PPEF1: variants seen among roughly 807,000 people sequenced by gnomAD.
The protein encoded by PPEF1 is serine/threonine-protein phosphatase with EF-hands 1.
Under a neutral mutation model 53.3 loss-of-function variants are expected in PPEF1, and 12 were observed. The ratio of observed to expected loss-of-function variants is 0.23; its 90% CI spans 0.14 to 0.36. The LOEUF (loss-of-function observed/expected upper bound fraction) is 0.36. Among genes scored for constraint, PPEF1 ranks in the 10% least tolerant of loss-of-function variants. The pLI is 1.00. For missense variants in PPEF1, 334 were observed against 490.4 expected (o/e 0.68, Z 3.01); for synonymous variants, 165 against 176.7 (o/e 0.93, Z 0.52).
intron 14 of PPEF1, among the ~76,000 whole-genome samples, chrX:18,824,418 T>C (rs1392900921): frequency 9.1e-6 from 1 of 109,324 alleles, no homozygotes; most frequent in Non-Finnish European, 1.9e-5. Flanking sequence ...CCAGCCTGGG[T>C]GACAGAGCGA....
chrX:18,750,774 T>C (rs2045426012), intron 4 of PPEF1, among the ~76,000 whole-genome samples: 1 of 112,126 alleles, frequency 8.9e-6, no homozygotes, highest in Non-Finnish European at 1.9e-5. Flanking sequence ...AGTGGCACCA[T>C]TTTGCATTTC....
At chrX:18,817,560 T>G (rs1241493824) in intron 12 of PPEF1, among the ~76,000 whole-genome samples, 1 of 111,045 alleles carries the variant, frequency 9.0e-6, no homozygotes, top group Non-Finnish European at 1.9e-5. Context: ...CAGGATGGTT[T>G]CGATCTCTTG....
At chrX:18,687,909 G>T (rs774317775) in intron 3 of PPEF1, among the ~76,000 whole-genome samples, 1 of 110,353 alleles carries the variant, frequency 9.1e-6, no homozygotes, top group Non-Finnish European at 1.9e-5. Flanking sequence ...GGCTGGTCTC[G>T]AACTTCAGAC....
intron 2 of PPEF1, among the ~76,000 whole-genome samples, chrX:18,732,717 G>A (rs1023281416): frequency 2.7e-5 from 3 of 111,809 alleles, no homozygotes; most frequent in Admixed American, 9.5e-5. Flanking sequence ...TACTTTTCAT[G>A]AGAGGCAGGG....
chrX:18,741,036 G>A (rs984370312), intron 3 of PPEF1, among the ~76,000 whole-genome samples: 8 of 109,003 alleles, frequency 7.3e-5, no homozygotes, highest in African/African-American at 2.0e-4. Flanking sequence ...GTTTTAATGG[G>A]CATGATTTAA....
At chrX:18,771,218 C>T (rs1284577926) in intron 6 of PPEF1, among the ~76,000 whole-genome samples, 1 of 111,103 alleles carries the variant, frequency 9.0e-6, no homozygotes, top group Non-Finnish European at 1.9e-5. Context: ...CCCAAATTAT[C>T]CTTTTTATTT....
chrX:18,806,866 C>T (rs1309503928), intron 12 of PPEF1, among the ~76,000 whole-genome samples: 1 of 112,216 alleles, frequency 8.9e-6, no homozygotes, highest in African/African-American at 3.2e-5. Context: ...ACAAACAGCT[C>T]TATCTGGTCT....
At chrX:18,790,951 G>A (rs996420476) in intron 10 of PPEF1, among the ~76,000 whole-genome samples, 3 of 111,183 alleles carry the variant, frequency 2.7e-5, no homozygotes, top group African/African-American at 6.5e-5. Flanking sequence ...GATTACAGGT[G>A]TGAGCCACTG....
chrX:18,679,158 C>T (rs1928784735), upstream of PPEF1, among the ~76,000 whole-genome samples: 1 of 112,412 alleles, frequency 8.9e-6, no homozygotes, highest in Admixed American at 9.4e-5. Context: ...ACTGCAACCT[C>T]CACCTCCTGG....
chrX:18,752,763 C>T (rs1331923976), intron 4 of PPEF1, among the ~76,000 whole-genome samples: 1 of 103,333 alleles, frequency 9.7e-6, no homozygotes, highest in Non-Finnish European at 2.0e-5. Flanking sequence ...GATGATTGTG[C>T]GTTTTTTACC....
chrX:18,823,897 T>C (rs767912060), intron 13 of PPEF1, 26 bp from the exon 14 acceptor site: 2 of 1,194,871 alleles, frequency 1.7e-6, no homozygotes, highest in Admixed American at 2.2e-5. Flanking sequence ...AACAAATCAT[T>C]TGGGCTTTGT....
chrX:18,795,557 C>T (rs1205630792), intron 10 of PPEF1, among the ~76,000 whole-genome samples: 3 of 111,819 alleles, frequency 2.7e-5, no homozygotes, highest in Admixed American at 9.5e-5. Flanking sequence ...TCCTCTCATT[C>T]ATTCATCCAT....
At chrX:18,760,078 C>T (rs1449363390) in intron 5 of PPEF1, among the ~76,000 whole-genome samples, 3 of 111,232 alleles carry the variant, frequency 2.7e-5, no homozygotes, top group Admixed American at 1.9e-4. Flanking sequence ...CTCTGCCTCC[C>T]GGGGCTCCAG....
At chrX:18,695,072 G>T (rs138957571) in intron 4 of PPEF1, among the ~76,000 whole-genome samples, 1 of 112,113 alleles carries the variant, frequency 8.9e-6, no homozygotes, top group African/African-American at 3.2e-5. Flanking sequence ...AGCATCTGTC[G>T]TGAGCTGCTG....
chrX:18,763,102 G>C (rs767911539), intron 6 of PPEF1, among the ~76,000 whole-genome samples: 50 of 112,021 alleles, frequency 4.5e-4, no homozygotes, highest in African/African-American at 1.6e-3. Context: ...AAAGACGTAA[G>C]TGATTAACTT....
At chrX:18,826,526 T>G (rs1283253584) in intron 15 of PPEF1, among the ~76,000 whole-genome samples, 2 of 97,358 alleles carry the variant, frequency 2.1e-5, no homozygotes, top group Non-Finnish European at 2.0e-5. Flanking sequence ...CCTCCCGGGT[T>G]CAAGCAATTC....
intron 14 of PPEF1, among the ~76,000 whole-genome samples, chrX:18,825,141 G>C (rs776232155): frequency 8.9e-6 from 1 of 112,140 alleles, no homozygotes; most frequent in South Asian, 3.7e-4. Flanking sequence ...ATACTTATTA[G>C]TTAACAATTC....
At chrX:18,810,680 C>T (rs1328604701) in intron 12 of PPEF1, among the ~76,000 whole-genome samples, 1 of 112,043 alleles carries the variant, frequency 8.9e-6, no homozygotes, top group Non-Finnish European at 1.9e-5. Flanking sequence ...TTTTTGAGGT[C>T]ATTCATGTTG....
chrX:18,740,742 A>G (rs1055027888), intron 3 of PPEF1, among the ~76,000 whole-genome samples: 2 of 110,962 alleles, frequency 1.8e-5, no homozygotes, highest in Non-Finnish European at 3.8e-5. Flanking sequence ...CTGTCTACCT[A>G]TCATCTAGTC....
Sources: gnomAD v4.1 joint callset for allele counts (sites outside exome capture counted in the v4.1 genomes callset) on GRCh38, gnomAD v4.1.1 for gene constraint, MANE v1.5 for transcripts, NCBI Gene and HGNC (gene_info 2026-07-23, HGNC 2026-07-21) for gene names.